Variants in DAGLA observed in about 807,000 individuals in gnomAD.
DAGLA encodes the protein diacylglycerol lipase-alpha.
DAGLA carries 22 observed loss-of-function variants against 102.6 expected under a neutral mutation model. That is an observed-to-expected ratio of 0.21 (90% CI 0.15 to 0.31). DAGLA has a LOEUF of 0.31. Among genes scored for constraint, DAGLA ranks in the 10% least tolerant of loss-of-function variants. The pLI, the probability that DAGLA is intolerant of heterozygous loss-of-function variation, is 1.00. For synonymous variants in DAGLA, 578 were observed against 628.9 expected, an observed-to-expected ratio of 0.92 and a Z score of 1.21; for missense variants, 927 against 1,446.6, an observed-to-expected ratio of 0.64 and a Z score of 5.83.
chr11:61,681,196 C>T (rs1348286122), intron 1 of DAGLA, among the ~76,000 whole-genome samples: 1 of 152,008 alleles, frequency 6.6e-6, no homozygotes, highest in Non-Finnish European at 1.5e-5. Context: ...TCATGGGGGT[C>T]CAGTTTTAAT....
At chr11:61,682,833 G>A (rs2135543852) in intron 1 of DAGLA, among the ~76,000 whole-genome samples, 1 of 151,078 alleles carries the variant, frequency 6.6e-6, no homozygotes, top group East Asian at 2.0e-4. Flanking sequence ...GGGAGGTTGA[G>A]GCTGGATGGC....
At position 61,686,454 on chromosome 11, in the gene DAGLA, C is replaced by T. The variant is rs1371302415; in HGVS notation, c.-45+5950C>T. 6.6e-6 allele frequency among the ~76,000 whole-genome samples: 1 copy of T among 152,208 alleles called. No homozygotes were observed. The highest frequency in any genetic ancestry group is 1.5e-5 in the Non-Finnish European group (1 of 68,032). On this transcript the variant is annotated intron_variant, in intron 1 of 19. Transcript: ENST00000257215. The surrounding 1 kb of genome is among the most constrained non-coding windows in gnomAD (Gnocchi z 5.2). ...ATTTGATCATTTTCTCACCAAATTACCCCTTGAAATTTCGCCTGCCTGAGT... is the reference window on the plus strand; with the variant it reads ...ATTTGATCATTTTCTCACCAAATTATCCCTTGAAATTTCGCCTGCCTGAGT...
intron 6 of DAGLA, 38 bp downstream of exon 6, chr11:61,726,120 C>T (rs755401920): frequency 3.8e-6 from 6 of 1,587,516 alleles, no homozygotes; most frequent in Non-Finnish European, 5.2e-6. Context: ...GGCTCACATC[C>T]TGTGGTCAGG....
chr11:61,740,588 A>G lies in DAGLA; in HGVS notation c.1979A>G (p.Asn660Ser), dbSNP rs776353986. 1.2e-6 allele frequency: 2 copies of G among 1,613,368 alleles called. No individual in the cohort carries two copies. Among genetic ancestry groups the G allele is most frequent in the South Asian group, 1.1e-5 (1 of 91,080 alleles). ...CCCTATGTGGTCATGGAGGGGCTCA[A>G]CAAGGTGAGGCAGCTCCCGGCAGGG... Reference protein sequence around the residue: ...HLPYVVMEGLNKVLENYNKGK... With the variant: ...HLPYVVMEGLSKVLENYNKGK... Residue 660 changes from asparagine (N) to serine (S), a missense_variant, in exon 18 of 20, where the codon AAC becomes AGC. Around this residue, in one of 4 missense-constraint regions of DAGLA, gnomAD observed 218 missense variants for 459.6 expected, o/e 0.47. Transcript: ENST00000257215.
chr11:61,696,583 G>A (rs1325453040), intron 1 of DAGLA, among the ~76,000 whole-genome samples: 5 of 122,200 alleles, frequency 4.1e-5, no homozygotes, highest in African/African-American at 1.2e-4. Context: ...CAGACTGGGC[G>A]ACCCGGGGTT....
chr11:61,733,077 A>G (rs1051784997), intron 9 of DAGLA, among the ~76,000 whole-genome samples: 4 of 152,172 alleles, frequency 2.6e-5, no homozygotes, highest in Non-Finnish European at 5.9e-5. Flanking sequence ...AGGCCAGACC[A>G]TTTCTGCATC....
chr11:61,722,820 G>A, intron 3 of DAGLA, 39 bp from the exon 4 acceptor site: 2 of 1,552,232 alleles, frequency 1.3e-6, no homozygotes, highest in Non-Finnish European at 1.8e-6. Flanking sequence ...TGGCATGCAA[G>A]TGGCAGCCAT....
chr11:61,716,683 C>T (rs764215710), intron 1 of DAGLA, among the ~76,000 whole-genome samples: 14 of 152,098 alleles, frequency 9.2e-5, no homozygotes, highest in South Asian at 4.1e-4. Context: ...CGCTGCCGCC[C>T]GAGGGGCTTG....
intron 19 of DAGLA, among the ~76,000 whole-genome samples, 156 bp downstream of exon 19, chr11:61,741,505 C>T (rs1309155910): frequency 6.6e-6 from 1 of 152,196 alleles, no homozygotes. Flanking sequence ...GGCTCTCTTG[C>T]TGTGCTCCAG....
intron 1 of DAGLA, among the ~76,000 whole-genome samples, chr11:61,696,016 C>A (rs1479173263): frequency 6.6e-6 from 1 of 152,246 alleles, no homozygotes; most frequent in African/African-American, 2.4e-5. Context: ...CCAAAGACGG[C>A]AGCCTGCGGA....
chr11:61,736,135 C>T, intron 12 of DAGLA, 135 bp from the exon 13 acceptor site: 1 of 705,730 alleles, frequency 1.4e-6, no homozygotes, highest in Non-Finnish European at 2.5e-6. Flanking sequence ...TGTCTGCCAG[C>T]CCCCACAGCT....
At chr11:61,719,413 G>A (rs1001157327) in intron 1 of DAGLA, among the ~76,000 whole-genome samples, 1 of 152,176 alleles carries the variant, frequency 6.6e-6, no homozygotes, top group Non-Finnish European at 1.5e-5. Flanking sequence ...CCTCAACCGT[G>A]CTCTTCCCTC....
intron 1 of DAGLA, among the ~76,000 whole-genome samples, chr11:61,699,781 G>T (rs1294719114): frequency 6.6e-6 from 1 of 152,266 alleles, no homozygotes; most frequent in Non-Finnish European, 1.5e-5. Flanking sequence ...GCAGCTGTGG[G>T]CAGGGCCACC....
intron 1 of DAGLA, among the ~76,000 whole-genome samples, chr11:61,706,514 G>C (rs2065150994): frequency 6.6e-6 from 1 of 152,158 alleles, no homozygotes; most frequent in African/African-American, 2.4e-5. Context: ...GTTGGGGGTG[G>C]GCTCTAACCT....
rs1255717053 is a variant in DAGLA at position 61,684,706 on chromosome 11, TG to T, written c.-45+4203del. Among the ~76,000 whole-genome samples the T allele has an allele frequency of 4.6e-5, 7 of 152,112 alleles. No homozygotes were observed. The highest frequency in any genetic ancestry group is 2.6e-4 in the Admixed American group (4 of 15,276). Reference sequence around the variant, plus strand: ...GGGAGTGCACGTGTGTAAAGTTGCTTGTGCCCATAAGTGTTTCTGTGGGAAG... The same window carrying T: ...GGGAGTGCACGTGTGTAAAGTTGCTTTGCCCATAAGTGTTTCTGTGGGAAG... On this transcript the variant is annotated intron_variant, in intron 1 of 19. Transcript: ENST00000257215. This position sits in a 1 kb window ranked among gnomAD's most constrained non-coding sequence, Gnocchi z 4.5.
At chr11:61,721,298 G>A (rs181279469) in intron 3 of DAGLA, among the ~76,000 whole-genome samples, 3 of 152,282 alleles carry the variant, frequency 2.0e-5, no homozygotes, top group Admixed American at 6.5e-5. Context: ...GGAGGCTGAC[G>A]CAGGAGAATC....
chr11:61,696,787 G>A (rs2065070227), intron 1 of DAGLA, among the ~76,000 whole-genome samples: 1 of 152,204 alleles, frequency 6.6e-6, no homozygotes, highest in Non-Finnish European at 1.5e-5. Flanking sequence ...CAGTGGGGTG[G>A]AGGTGTTGCA....
At chr11:61,703,603 G>A (rs2135562770) in intron 1 of DAGLA, among the ~76,000 whole-genome samples, 1 of 152,358 alleles carries the variant, frequency 6.6e-6, no homozygotes, top group Non-Finnish European at 1.5e-5. Flanking sequence ...CAACGTAAGA[G>A]GGAGAGGGCT....
At chr11:61,680,846 A>G (rs947744995) in intron 1 of DAGLA, among the ~76,000 whole-genome samples, 3 of 152,246 alleles carry the variant, frequency 2.0e-5, no homozygotes, top group Non-Finnish European at 4.4e-5. Flanking sequence ...GGTGATGGGC[A>G]CGGCCTTCGG....
Sources: allele counts gnomAD v4.1 joint callset (sites outside exome capture counted in the v4.1 genomes callset), GRCh38; gene constraint gnomAD v4.1.1; regional missense constraint gnomAD v4.1.1; non-coding constraint Gnocchi (gnomAD v3.1); transcripts MANE v1.5; gene names NCBI Gene and HGNC (gene_info 2026-07-23, HGNC 2026-07-21).